Variants in DTWD2 observed in about 807,000 individuals in gnomAD.
The protein encoded by DTWD2 is tRNA-uridine aminocarboxypropyltransferase 2.
DTWD2 carries 39 observed loss-of-function variants against 31.8 expected under a neutral mutation model. The ratio of observed to expected loss-of-function variants is 1.22; its 90% CI spans 0.95 to 1.60. The LOEUF (loss-of-function observed/expected upper bound fraction) is 1.60, where lower values mean the gene tolerates loss of function less well. Among genes scored for constraint, DTWD2 ranks in the 40% most tolerant of loss-of-function variants. The probability of loss-of-function intolerance (pLI) is 0.00; values close to 1 mark genes in which losing one functional copy is unlikely to be tolerated. For synonymous variants in DTWD2, 180 were observed against 142.8 expected (o/e 1.26, Z -1.86); for missense variants, 515 against 381.5 (o/e 1.35, Z -2.92).
At chr5:118,943,416 T>C (rs528702215) in intron 2 of DTWD2, among the ~76,000 whole-genome samples, 15 of 151,942 alleles carry the variant, frequency 9.9e-5, no homozygotes, top group Admixed American at 2.0e-4. Flanking sequence ...CCGGGCGTTG[T>C]GGTGGGCGCC....
chr5:118,847,939 G>C, intron 5 of DTWD2, 151 bp downstream of exon 5: 4 of 779,070 alleles, frequency 5.1e-6, no homozygotes, highest in Admixed American at 3.6e-5. Flanking sequence ...AAACACCAGA[G>C]AGGAAACAAG....
chr5:118,904,311 C>G (rs541464987), intron 4 of DTWD2, among the ~76,000 whole-genome samples: 1 of 152,014 alleles, frequency 6.6e-6, no homozygotes, highest in Non-Finnish European at 1.5e-5. Context: ...CTAACATATA[C>G]CAATAACATC....
At chr5:118,969,591 A>G (rs1754936268) in intron 1 of DTWD2, among the ~76,000 whole-genome samples, 1 of 152,226 alleles carries the variant, frequency 6.6e-6, no homozygotes, top group Non-Finnish European at 1.5e-5. Context: ...GCCCTATGGA[A>G]GAGTGACCTG....
chr5:118,965,892 T>C (rs1207016474), intron 1 of DTWD2, among the ~76,000 whole-genome samples: 2 of 150,580 alleles, frequency 1.3e-5, no homozygotes, highest in Non-Finnish European at 2.9e-5. Flanking sequence ...CCTGTGACCC[T>C]GCCAAATCCC....
rs144028637 is a variant in DTWD2 at position 118,982,423 on chromosome 5, T to C, written c.218+5871A>G. 1.7e-3 allele frequency among the ~76,000 whole-genome samples: 259 copies of C among 152,312 alleles called. 1 individual carries two copies. The highest frequency in any genetic ancestry group is 6.8e-3 in the Middle Eastern group (2 of 294). The stretch of plus-strand genomic sequence containing the variant: ...TATGAAAAAATTCCCTCTTGACATA[T>C]ATCATTGCTTAACTTTGGACATACA... On this transcript the variant is annotated intron_variant, in intron 1 of 5. Coordinates refer to ENST00000510708, the MANE Select transcript of DTWD2 (RefSeq NM_173666.4).
intron 1 of DTWD2, among the ~76,000 whole-genome samples, chr5:118,952,643 G>C (rs1426639700): frequency 6.6e-6 from 1 of 152,156 alleles, no homozygotes; most frequent in African/African-American, 2.4e-5. Context: ...TCAAAGGCCT[G>C]ACAGGAACCT....
chr5:118,888,910 G>T (rs1295605154), intron 4 of DTWD2, among the ~76,000 whole-genome samples: 2 of 152,166 alleles, frequency 1.3e-5, no homozygotes, highest in Non-Finnish European at 2.9e-5. Context: ...CTAATAAAGT[G>T]TATGTTCAAA....
At position 118,838,676 on chromosome 5, in the gene DTWD2, C is replaced by A. The variant is rs2112661102; in HGVS notation, c.*2241G>T. 1 of 152,078 alleles carries A rather than the reference C, an allele frequency of 6.6e-6. No individual in the cohort carries two copies. Among genetic ancestry groups the A allele is most frequent in the Non-Finnish European group, 1.5e-5 (1 of 67,990 alleles). 9.4% of individuals were successfully genotyped at this position (152,078 alleles called of 1,614,324 possible). ...AAACAAGTACAGTGAGTTAACAGGT[C>A]AGTAAAGTAATTTGGAAAACTATAC... On this transcript the variant is annotated 3_prime_UTR_variant, in exon 6 of 6. Transcript: ENST00000510708.
intron 4 of DTWD2, among the ~76,000 whole-genome samples, chr5:118,920,775 T>C (rs531899596): frequency 6.6e-6 from 1 of 152,330 alleles, no homozygotes; most frequent in African/African-American, 2.4e-5. Flanking sequence ...TTTATATCTA[T>C]GTGTTATTGT....
intron 4 of DTWD2, among the ~76,000 whole-genome samples, chr5:118,924,926 G>A (rs555084607): frequency 6.6e-6 from 1 of 152,126 alleles, no homozygotes; most frequent in Non-Finnish European, 1.5e-5. Flanking sequence ...TTTGGGGAAA[G>A]ATAATACATG....
chr5:118,878,349 G>A (rs1752666656), intron 4 of DTWD2, among the ~76,000 whole-genome samples: 1 of 152,002 alleles, frequency 6.6e-6, no homozygotes, highest in African/African-American at 2.4e-5. Flanking sequence ...GAACCCAGAA[G>A]TAAGCCCACA....
chr5:118,920,708 T>C (rs1269282105), intron 4 of DTWD2, among the ~76,000 whole-genome samples: 1 of 152,176 alleles, frequency 6.6e-6, no homozygotes, highest in South Asian at 2.1e-4. Context: ...GATGATAGAT[T>C]TTGTGGGCCA....
chr5:118,962,365 T>C (rs575923906), intron 1 of DTWD2, among the ~76,000 whole-genome samples: 43 of 152,254 alleles, frequency 2.8e-4, no homozygotes, highest in African/African-American at 9.4e-4. Context: ...GCCTTTCCCC[T>C]AAAAAAGTGG....
intron 1 of DTWD2, chr5:118,974,193 T>C: frequency 7.2e-7 from 1 of 1,383,334 alleles, no homozygotes; most frequent in Non-Finnish European, 1.0e-6. Context: ...CCACTTCCCG[T>C]CTCAGAATCT....
At chr5:118,928,874 T>C (rs1391633422) in intron 3 of DTWD2, 145 bp from the exon 4 acceptor site, 1 of 677,984 alleles carries the variant, frequency 1.5e-6, no homozygotes, top group Admixed American at 3.6e-5. Context: ...AAGTATGAAT[T>C]AAAAAGACTC....
At chr5:118,909,444 T>C (rs1232853407) in intron 4 of DTWD2, among the ~76,000 whole-genome samples, 1 of 152,122 alleles carries the variant, frequency 6.6e-6, no homozygotes, top group East Asian at 1.9e-4. Context: ...CCAACAGCTT[T>C]TACTAACAAG....
At position 118,839,506 on chromosome 5, in the gene DTWD2, C is replaced by T. The variant is rs1274361432; in HGVS notation, c.*1411G>A. The stretch of plus-strand genomic sequence containing the variant: ...AGTAGCTAGGACTACAAGTGCACAC[C>T]ACCACATCTGGCTAATTATTTTTTT... On this transcript the variant is annotated 3_prime_UTR_variant, in exon 6 of 6. Transcript: ENST00000510708. 4 of 151,430 alleles carry T rather than the reference C, an allele frequency of 2.6e-5. No individual in the cohort carries two copies. In the East Asian group the frequency reaches 5.8e-4, roughly 22 times the overall value. The allele number at this position is 151,430 out of a possible 1,614,324, so 9.4% of individuals were successfully genotyped here.
chr5:118,863,641 T>A (rs1327410174), intron 4 of DTWD2, among the ~76,000 whole-genome samples: 3 of 152,234 alleles, frequency 2.0e-5, no homozygotes. Context: ...AGGTTTTGAG[T>A]CATTGTATTA....
intron 1 of DTWD2, among the ~76,000 whole-genome samples, chr5:118,952,295 C>T (rs981945335): frequency 2.0e-5 from 3 of 152,136 alleles, no homozygotes; most frequent in Non-Finnish European, 2.9e-5. Flanking sequence ...TCACGCGCGT[C>T]CGTGTGAAGA....
Sources: gnomAD v4.1 joint callset for allele counts (sites outside exome capture counted in the v4.1 genomes callset) on GRCh38, gnomAD v4.1.1 for gene constraint, MANE v1.5 for transcripts, NCBI Gene and HGNC (gene_info 2026-07-23, HGNC 2026-07-21) for gene names.